Variants in DDIAS observed in about 807,000 individuals in gnomAD.
The protein encoded by DDIAS is DNA damage induced apoptosis suppressor.
A neutral mutation model predicts 15.7 loss-of-function variants in DDIAS; 14 were observed. The ratio of observed to expected loss-of-function variants is 0.89; its 90% CI spans 0.59 to 1.39. The LOEUF (loss-of-function observed/expected upper bound fraction) is 1.39, where lower values mean the gene tolerates loss of function less well. DDIAS is among the 40% of genes most tolerant of loss of function. The pLI, the probability that DDIAS is intolerant of heterozygous loss-of-function variation, is 0.00. For synonymous variants in DDIAS, 355 were observed against 395.9 expected (o/e 0.90, Z 1.23); for missense variants, 1,035 against 1,130.9 (o/e 0.92, Z 1.22).
At chr11:82,913,456 G>T in intron 2 of DDIAS, 70 bp downstream of exon 2, 1 of 237,524 alleles carries the variant, frequency 4.2e-6, no homozygotes, top group Non-Finnish European at 8.4e-6. Context: ...TGTTTCCCAG[G>T]CTGGTCTTGA....
intron 1 of DDIAS, among the ~76,000 whole-genome samples, chr11:82,909,688 C>T (rs1272861383): frequency 6.6e-6 from 1 of 152,026 alleles, no homozygotes; most frequent in East Asian, 1.9e-4. Flanking sequence ...TATTACCTAC[C>T]CTACCATGTC....
At chr11:82,914,088 C>T (rs573481021) in intron 2 of DDIAS, 5 of 326,336 alleles carry the variant, frequency 1.5e-5, no homozygotes, top group Non-Finnish European at 2.9e-5. Flanking sequence ...AGGCACCCCC[C>T]ACCATGCTCA....
intron 1 of DDIAS, among the ~76,000 whole-genome samples, chr11:82,911,283 A>G (rs1590800272): frequency 6.6e-6 from 1 of 152,230 alleles, no homozygotes; most frequent in Non-Finnish European, 1.5e-5. Flanking sequence ...GCTGTTTGAT[A>G]GCGTTTTACT....
rs1861037961 is a variant in DDIAS, at chr11:82,933,179, A to ATTG, written c.1843_1845dup (p.Cys615dup). On this transcript the variant is annotated inframe_insertion, in exon 6 of 6. Coordinates refer to ENST00000533655, the MANE Select transcript of DDIAS (RefSeq NM_145018.4). Reference sequence around the variant, plus strand: ...CTTTGCAAATTAGAAAATAAACAATATTGTAGGTGGTCCAAGAACCAAGAT... The same window carrying ATTG: ...CTTTGCAAATTAGAAAATAAACAATATTGTTGTAGGTGGTCCAAGAACCAAGAT... 6.2e-7 allele frequency: 1 copy of ATTG among 1,612,220 alleles called. No individual in the cohort carries two copies. The highest frequency in any genetic ancestry group is 1.3e-5 in the African/African-American group (1 of 74,898).
intron 1 of DDIAS, among the ~76,000 whole-genome samples, chr11:82,912,270 G>A (rs1236078672): frequency 1.3e-5 from 2 of 152,178 alleles, no homozygotes; most frequent in East Asian, 3.8e-4. Flanking sequence ...TCCCATATAA[G>A]TCTGTTGTGT....
chr11:82,905,909 A>C (rs568336231), intron 1 of DDIAS, among the ~76,000 whole-genome samples: 1 of 152,338 alleles, frequency 6.6e-6, no homozygotes, highest in Admixed American at 6.5e-5. Flanking sequence ...AAAGAAAGAT[A>C]AACTGCAAAA....
chr11:82,924,426 A>C (rs750879161), intron 3 of DDIAS, among the ~76,000 whole-genome samples: 8 of 152,210 alleles, frequency 5.3e-5, no homozygotes, highest in Non-Finnish European at 8.8e-5. Flanking sequence ...TGCTTTCATC[A>C]GATTTTTTAA....
rs144609683 is a variant in DDIAS at position 82,906,009 on chromosome 11, A to G, written c.-117+4187A>G. Among the ~76,000 whole-genome samples the G allele has an allele frequency of 4.2e-4, 64 of 152,298 alleles. 1 individual carries two copies. The highest frequency in any genetic ancestry group is 1.3e-3 in the African/African-American group (55 of 41,576). The stretch of plus-strand genomic sequence containing the variant: ...TTCCTGATGTTTCATTCAATTATTC[A>G]TCAGACATGCATCCACTATACTGCA... On this transcript the variant is annotated intron_variant, in intron 1 of 5. Transcript: ENST00000533655.
At chr11:82,914,959 T>C in intron 3 of DDIAS, 108 bp downstream of exon 3, 1 of 670,404 alleles carries the variant, frequency 1.5e-6, no homozygotes, top group South Asian at 2.2e-5. Flanking sequence ...CATTAGATTC[T>C]CTCAGGGGTT....
At chr11:82,914,955 A>G in intron 3 of DDIAS, 104 bp downstream of exon 3, 1 of 697,666 alleles carries the variant, frequency 1.4e-6, no homozygotes, top group African/African-American at 1.9e-5. Context: ...AGGACATTAG[A>G]TTCTCTCAGG....
chr11:82,920,009 C>T (rs1349475497), intron 3 of DDIAS, among the ~76,000 whole-genome samples: 1 of 152,222 alleles, frequency 6.6e-6, no homozygotes. Context: ...AGGCGTGAGG[C>T]ACCACGCCCG....
At chr11:82,906,069 A>C (rs1403490386) in intron 1 of DDIAS, among the ~76,000 whole-genome samples, 1 of 152,206 alleles carries the variant, frequency 6.6e-6, no homozygotes, top group Non-Finnish European at 1.5e-5. Context: ...GAAATAAAAC[A>C]AAGTATAAAA....
intron 3 of DDIAS, among the ~76,000 whole-genome samples, chr11:82,923,816 A>C (rs906652661): frequency 1.3e-5 from 2 of 151,472 alleles, no homozygotes; most frequent in Admixed American, 6.6e-5. Context: ...ATACATCTAT[A>C]AAAAAAAATG....
chr11:82,914,634 C>A, intron 2 of DDIAS, 89 bp from the exon 3 acceptor site: 1 of 604,600 alleles, frequency 1.7e-6, no homozygotes, highest in Non-Finnish European at 2.9e-6. Context: ...ATTAGCTTTG[C>A]AGTAGAGGTT....
At chr11:82,925,091 T>C (rs1254218866) in intron 3 of DDIAS, among the ~76,000 whole-genome samples, 1 of 152,224 alleles carries the variant, frequency 6.6e-6, no homozygotes, top group African/African-American at 2.4e-5. Flanking sequence ...CCAGCTGTCT[T>C]TTTATGAAAC....
At chr11:82,930,788 A>C (rs2121367157) in intron 5 of DDIAS, among the ~76,000 whole-genome samples, 1 of 152,224 alleles carries the variant, frequency 6.6e-6, no homozygotes, top group African/African-American at 2.4e-5. Context: ...AAGGAGTAAT[A>C]GTTTTCTGTC....
chr11:82,910,483 C>T (rs1860509149), intron 1 of DDIAS, among the ~76,000 whole-genome samples: 1 of 151,876 alleles, frequency 6.6e-6, no homozygotes, highest in South Asian at 2.1e-4. Context: ...TTTGGTGAGA[C>T]TGATCTCAAA....
chr11:82,933,587 C>T lies in DDIAS; in HGVS notation c.2249C>T (p.Pro750Leu). ...SDSRHSRTCS[P>L]TPHFQSDSEY... ...TCTAGGCATTCAAGAACATGCTCTC[C>T]AACACCTCATTTTCAATCAGATTCA... Residue 750 changes from proline to leucine, a missense_variant, in exon 6 of 6, where the codon CCA becomes CTA. Pro to Leu is a moderately conservative substitution (Grantham distance 98). Coordinates refer to ENST00000533655, the MANE Select transcript of DDIAS (RefSeq NM_145018.4). 6.2e-7 allele frequency: 1 copy of T among 1,613,890 alleles called. No homozygotes were observed. The highest frequency in any genetic ancestry group is 8.5e-7 in the Non-Finnish European group (1 of 1,179,924).
At chr11:82,903,937 G>T (rs1301486459) in intron 1 of DDIAS, among the ~76,000 whole-genome samples, 2 of 152,196 alleles carry the variant, frequency 1.3e-5, no homozygotes, top group Non-Finnish European at 2.9e-5. Context: ...GTTTTTTAAA[G>T]GAGTAATTTC....
Sources: gnomAD v4.1 joint callset for allele counts (sites outside exome capture counted in the v4.1 genomes callset) on GRCh38, gnomAD v4.1.1 for gene constraint, MANE v1.5 for transcripts, NCBI Gene and HGNC (gene_info 2026-07-23, HGNC 2026-07-21) for gene names.